Variants in CDH8 observed in about 807,000 individuals in gnomAD.
CDH8 encodes the protein cadherin 8.
Under a neutral mutation model 68.1 loss-of-function variants are expected in CDH8, and 17 were observed. The ratio of observed to expected loss-of-function variants is 0.25; its 90% CI spans 0.17 to 0.37. The LOEUF (loss-of-function observed/expected upper bound fraction) is 0.37, where lower values mean the gene tolerates loss of function less well. Among genes scored for constraint, CDH8 ranks in the 10% least tolerant of loss-of-function variants. The pLI, the probability that CDH8 is intolerant of heterozygous loss-of-function variation, is 1.00. For missense variants in CDH8, 763 were observed against 999.3 expected, an observed-to-expected ratio of 0.76 and a Z score of 3.19; for synonymous variants, 372 against 365.1, an observed-to-expected ratio of 1.02 and a Z score of -0.21.
At chr16:61,679,322 C>T (rs1298238116) in intron 10 of CDH8, among the ~76,000 whole-genome samples, 1 of 151,956 alleles carries the variant, frequency 6.6e-6, no homozygotes, top group Non-Finnish European at 1.5e-5. Context: ...TGAGATGGGA[C>T]ATTATCAGGA....
intron 10 of CDH8, among the ~76,000 whole-genome samples, chr16:61,697,361 T>C (rs1168135014): frequency 6.6e-6 from 1 of 152,126 alleles, no homozygotes; most frequent in Non-Finnish European, 1.5e-5. Flanking sequence ...AATGGCTCAG[T>C]TGGGTCACAT....
intron 2 of CDH8, among the ~76,000 whole-genome samples, chr16:61,902,913 T>G (rs1964002246): frequency 2.0e-5 from 3 of 152,350 alleles, no homozygotes; most frequent in Admixed American, 2.0e-4. Context: ...GAAATGCCAC[T>G]TTATCTTAAT....
intron 3 of CDH8, among the ~76,000 whole-genome samples, chr16:61,884,634 A>G (rs933228480): frequency 1.7e-4 from 26 of 152,238 alleles, no homozygotes; most frequent in African/African-American, 6.0e-4. Flanking sequence ...TCAGCATCCC[A>G]AAGTGCTGGG....
At chr16:61,768,377 T>TCTCTCTCTCTCC (rs1960678549) in intron 8 of CDH8, among the ~76,000 whole-genome samples, 1 of 105,420 alleles carries the variant, frequency 9.5e-6, no homozygotes, top group Non-Finnish European at 1.9e-5. Flanking sequence ...TCCCTTTCTC[T>TCTCTCTCTCTCC]CTCTCTCTCT....
intron 2 of CDH8, among the ~76,000 whole-genome samples, chr16:61,998,220 T>G (rs1426553116): frequency 6.6e-6 from 1 of 152,230 alleles, no homozygotes; most frequent in East Asian, 1.9e-4. Context: ...AAACACTTGA[T>G]GAATATGGTG....
rs530553013 is a variant in CDH8, at chr16:61,878,313, A to G, written c.548-21075T>C. On this transcript the variant is annotated intron_variant, in intron 3 of 11. Coordinates refer to ENST00000577390, the MANE Select transcript of CDH8 (RefSeq NM_001796.5). ...TTAGTCTGATGTGAGTGAATGAGAAATGAATGAAGTCATACCTACCTTAAA... is the reference window on the plus strand; with the variant it reads ...TTAGTCTGATGTGAGTGAATGAGAAGTGAATGAAGTCATACCTACCTTAAA... Among the ~76,000 whole-genome samples the G allele has an allele frequency of 1.6e-4, 25 of 152,356 alleles. No individual in the cohort carries two copies. In the South Asian group the frequency reaches 5.2e-3, roughly 32 times the overall value.
At chr16:61,932,087 G>A (rs1328922320) in intron 2 of CDH8, among the ~76,000 whole-genome samples, 1 of 151,724 alleles carries the variant, frequency 6.6e-6, no homozygotes, top group Non-Finnish European at 1.5e-5. Flanking sequence ...GGCGCCTGTA[G>A]TCCCAGCTAC....
intron 3 of CDH8, among the ~76,000 whole-genome samples, chr16:61,876,026 G>T (rs1448530457): frequency 1.3e-5 from 2 of 151,818 alleles, no homozygotes; most frequent in Non-Finnish European, 2.9e-5. Context: ...ACAGGCACCC[G>T]CCACCACACC....
At chr16:61,706,327 G>GT (rs1455987808) in intron 10 of CDH8, among the ~76,000 whole-genome samples, 1 of 152,176 alleles carries the variant, frequency 6.6e-6, no homozygotes, top group African/African-American at 2.4e-5. Flanking sequence ...TTTAAAAAGT[G>GT]TAACTGGCGG....
intron 2 of CDH8, among the ~76,000 whole-genome samples, chr16:61,936,561 C>T (rs1453675532): frequency 1.3e-5 from 2 of 152,092 alleles, no homozygotes; most frequent in Non-Finnish European, 2.9e-5. Context: ...TTGGAGATGG[C>T]AACATGCCAC....
At chr16:61,854,161 G>A (rs1206646504) in intron 4 of CDH8, among the ~76,000 whole-genome samples, 1 of 148,196 alleles carries the variant, frequency 6.7e-6, no homozygotes, top group Admixed American at 6.7e-5. Context: ...CACACACACT[G>A]CAGAAGACAC....
chr16:61,827,822 G>GA (rs1407439788), intron 4 of CDH8, among the ~76,000 whole-genome samples: 2 of 151,828 alleles, frequency 1.3e-5, no homozygotes, highest in Non-Finnish European at 1.5e-5. Context: ...ACGTACAGTT[G>GA]AAAATCTGTA....
intron 2 of CDH8, among the ~76,000 whole-genome samples, chr16:61,936,187 T>C (rs1021296057): frequency 1.3e-5 from 2 of 152,136 alleles, no homozygotes; most frequent in African/African-American, 2.4e-5. Context: ...TATACTTACA[T>C]TGTATTAATA....
At chr16:61,817,025 T>C (rs537638431) in intron 7 of CDH8, among the ~76,000 whole-genome samples, 1 of 152,244 alleles carries the variant, frequency 6.6e-6, no homozygotes, top group African/African-American at 2.4e-5. Context: ...CTTAATGCAT[T>C]GACACTATGG....
At chr16:61,807,213 A>G (rs1200599070) in intron 7 of CDH8, among the ~76,000 whole-genome samples, 1 of 151,128 alleles carries the variant, frequency 6.6e-6, no homozygotes, top group Non-Finnish European at 1.5e-5. Context: ...TCAGTAAACT[A>G]TCACAAGAAC....
At chr16:61,807,928 C>T (rs1393711812) in intron 7 of CDH8, among the ~76,000 whole-genome samples, 1 of 152,138 alleles carries the variant, frequency 6.6e-6, no homozygotes, top group Admixed American at 6.5e-5. Context: ...TCATTTCAGA[C>T]TCCATCTACT....
intron 7 of CDH8, among the ~76,000 whole-genome samples, chr16:61,815,870 A>C (rs1297431133): frequency 6.6e-6 from 1 of 152,122 alleles, no homozygotes; most frequent in Non-Finnish European, 1.5e-5. Context: ...TCCACTCAAC[A>C]AATATCATTG....
At chr16:61,826,766 C>T (rs1962345623) in intron 4 of CDH8, among the ~76,000 whole-genome samples, 1 of 151,702 alleles carries the variant, frequency 6.6e-6, no homozygotes, top group Non-Finnish European at 1.5e-5. Flanking sequence ...ATACAATGCA[C>T]CTACACAGGG....
chr16:61,753,327 C>A (rs1024458125), intron 8 of CDH8, among the ~76,000 whole-genome samples: 1 of 151,830 alleles, frequency 6.6e-6, no homozygotes, highest in Non-Finnish European at 1.5e-5. Context: ...GCAACCTCCA[C>A]CTCCTTGGCT....
Sources: allele counts gnomAD v4.1 joint callset (sites outside exome capture counted in the v4.1 genomes callset), GRCh38; gene constraint gnomAD v4.1.1; transcripts MANE v1.5; gene names NCBI Gene and HGNC (gene_info 2026-07-23, HGNC 2026-07-21).